The following METTL25 variants were observed in gnomAD, a reference collection of about 807,000 sequenced individuals.
METTL25 encodes the protein methyltransferase like 25, also known as probable methyltransferase-like protein 25.
METTL25 carries 64 observed loss-of-function variants against 71.6 expected under a neutral mutation model. The observed-to-expected ratio is 0.89, with a 90% confidence interval of 0.73 to 1.10. METTL25 has a LOEUF of 1.10. Ranked by LOEUF, METTL25 falls within the 50% of genes least tolerant of loss-of-function variation. The pLI is 0.00. For synonymous variants in METTL25, 287 were observed against 250.3 expected (o/e 1.15, Z -1.38); for missense variants, 807 against 707.0 (o/e 1.14, Z -1.60).
At chr12:82,407,157 T>G (rs575635590) in intron 5 of METTL25, among the ~76,000 whole-genome samples, 38 of 152,284 alleles carry the variant, frequency 2.5e-4, no homozygotes, top group Admixed American at 1.4e-3. Context: ...GTTTCTTTCT[T>G]TAGTACTTGG....
At chr12:82,435,557 T>C (rs113535945) in intron 7 of METTL25, among the ~76,000 whole-genome samples, 8 of 151,518 alleles carry the variant, frequency 5.3e-5, no homozygotes, top group African/African-American at 1.9e-4. Flanking sequence ...TTGGGGACTT[T>C]AAGTGTGTGG....
rs910906384 is a variant in METTL25 at position 82,412,312 on chromosome 12, A to T, written c.1279+9182A>T. The stretch of plus-strand genomic sequence containing the variant: ...CAAATTTTATAAAATATTCATCACA[A>T]TCTATTCAATTGATTTCATAAGGCT... On this transcript the variant is annotated intron_variant, in intron 5 of 11. Transcript: ENST00000248306. Among the ~76,000 whole-genome samples the T allele has an allele frequency of 2.6e-5, 4 of 152,100 alleles. No individual in the cohort carries two copies. The East Asian group carries it at 7.7e-4, about 29-fold the overall frequency.
chr12:82,436,593 G>C (rs1889933647), intron 7 of METTL25, among the ~76,000 whole-genome samples: 2 of 151,496 alleles, frequency 1.3e-5, no homozygotes, highest in Admixed American at 1.3e-4. Context: ...TATTTACTCA[G>C]AGTAACTTGA....
In METTL25 at chr12:82,389,806, T is replaced by C; in HGVS notation, c.425-10T>C. On this transcript the variant is annotated splice_polypyrimidine_tract_variant and intron_variant, in intron 2 of 11. Coordinates refer to ENST00000248306, the MANE Select transcript of METTL25 (RefSeq NM_032230.3). ...TCTTTAATAGCAGTTTTTACTTTTA[T>C]TTTCATTAGGTGAAAATCAGAAGGC... is the stretch of plus-strand genomic sequence containing the variant. The C allele has an allele frequency of 6.5e-7, 1 of 1,543,612 alleles. No homozygotes were observed. Among genetic ancestry groups the C allele is most frequent in the Non-Finnish European group, 8.9e-7 (1 of 1,121,972 alleles).
intron 1 of METTL25, among the ~76,000 whole-genome samples, chr12:82,368,486 C>T (rs1229838997): frequency 6.6e-6 from 1 of 152,104 alleles, no homozygotes; most frequent in Non-Finnish European, 1.5e-5. Flanking sequence ...ATATCCGTTT[C>T]CTCTAGCTAG....
intron 1 of METTL25, among the ~76,000 whole-genome samples, chr12:82,386,519 T>G (rs565185881): frequency 2.0e-5 from 2 of 99,080 alleles, no homozygotes; most frequent in South Asian, 4.0e-4. Flanking sequence ...CCCTTTTCTC[T>G]CTCTCTGTCT....
At chr12:82,393,692 T>G (rs1488111237) in intron 3 of METTL25, among the ~76,000 whole-genome samples, 1 of 152,110 alleles carries the variant, frequency 6.6e-6, no homozygotes, top group Non-Finnish European at 1.5e-5. Context: ...ATTCTTGTCC[T>G]GTTCCAGATC....
chr12:82,391,688 A>G (rs541993922), intron 3 of METTL25, among the ~76,000 whole-genome samples: 4 of 149,596 alleles, frequency 2.7e-5, no homozygotes, highest in Non-Finnish European at 4.4e-5. Flanking sequence ...TACAATAAAC[A>G]TGAGTGTCCA....
At chr12:82,442,085 G>T (rs767267404) in intron 8 of METTL25, among the ~76,000 whole-genome samples, 4 of 151,930 alleles carry the variant, frequency 2.6e-5, no homozygotes, top group African/African-American at 9.7e-5. Flanking sequence ...GACACCCCTC[G>T]TTTCCCCTAC....
intron 1 of METTL25, 188 bp downstream of exon 1, chr12:82,359,012 C>A: frequency 1.5e-6 from 1 of 649,562 alleles, no homozygotes; most frequent in Non-Finnish European, 2.7e-6. Context: ...GAATCAGGAT[C>A]ACTCTTTCTT....
intron 7 of METTL25, among the ~76,000 whole-genome samples, chr12:82,436,393 A>G (rs1191046814): frequency 1.3e-5 from 2 of 151,564 alleles, no homozygotes; most frequent in Non-Finnish European, 3.0e-5. Flanking sequence ...GAAATAAAGT[A>G]AACTCTGGCC....
At chr12:82,364,318 G>A (rs1014234343) in intron 1 of METTL25, among the ~76,000 whole-genome samples, 4 of 152,204 alleles carry the variant, frequency 2.6e-5, no homozygotes, top group Non-Finnish European at 4.4e-5. Flanking sequence ...TCTCATTCAC[G>A]GAGGTGGCTA....
intron 9 of METTL25, among the ~76,000 whole-genome samples, chr12:82,470,499 A>C (rs1389592551): frequency 6.6e-6 from 1 of 152,156 alleles, no homozygotes; most frequent in East Asian, 1.9e-4. Flanking sequence ...GTGCCACAAT[A>C]CTAGGCACTA....
chr12:82,451,108 G>C (rs1565875906), intron 8 of METTL25, among the ~76,000 whole-genome samples: 1 of 152,138 alleles, frequency 6.6e-6, no homozygotes, highest in African/African-American at 2.4e-5. Flanking sequence ...AAAAGCTTTT[G>C]AAAGAGGATA....
At chr12:82,478,442 T>C (rs948847975) in intron 11 of METTL25, among the ~76,000 whole-genome samples, 9 of 151,784 alleles carry the variant, frequency 5.9e-5, no homozygotes, top group African/African-American at 2.2e-4. Flanking sequence ...TTTTATTTAA[T>C]AGCTTCAACT....
intron 4 of METTL25, among the ~76,000 whole-genome samples, chr12:82,402,764 T>A (rs1886746494): frequency 6.6e-6 from 1 of 152,124 alleles, no homozygotes; most frequent in Admixed American, 6.6e-5. Context: ...CTGTGGGCGG[T>A]ACAATGTGCT....
chr12:82,390,338 A>C (rs1042865726), intron 3 of METTL25, among the ~76,000 whole-genome samples: 1 of 151,996 alleles, frequency 6.6e-6, no homozygotes, highest in Non-Finnish European at 1.5e-5. Flanking sequence ...TAGTAACACA[A>C]AGTAGTTATG....
At chr12:82,404,856 A>G (rs1592664958) in intron 5 of METTL25, among the ~76,000 whole-genome samples, 2 of 152,048 alleles carry the variant, frequency 1.3e-5, no homozygotes, top group African/African-American at 2.4e-5. Context: ...AGGCAGGAGA[A>G]TCTCTTGAAC....
At chr12:82,397,891 A>G (rs995604781) in intron 3 of METTL25, among the ~76,000 whole-genome samples, 1 of 151,868 alleles carries the variant, frequency 6.6e-6, no homozygotes, top group Admixed American at 6.6e-5. Context: ...TTTTAGTTTT[A>G]TATTTTTGAG....
Sources: allele counts gnomAD v4.1 joint callset (sites outside exome capture counted in the v4.1 genomes callset), GRCh38; gene constraint gnomAD v4.1.1; transcripts MANE v1.5; gene names NCBI Gene and HGNC (gene_info 2026-07-23, HGNC 2026-07-21).